RBSN: variants seen among roughly 807,000 people sequenced by gnomAD.
RBSN encodes the protein rabenosyn, RAB effector.
In RBSN, 34 loss-of-function variants were observed where a neutral mutation model predicts 60.5. The ratio of observed to expected loss-of-function variants is 0.56; its 90% CI spans 0.43 to 0.75. The LOEUF is 0.75. Ranked by LOEUF, RBSN falls within the 30% of genes least tolerant of loss-of-function variation. The pLI, the probability that RBSN is intolerant of heterozygous loss-of-function variation, is 0.00. For synonymous variants in RBSN, 322 were observed against 366.9 expected (o/e 0.88, Z 1.40); for missense variants, 845 against 986.8 (o/e 0.86, Z 1.92).
intron 5 of RBSN, among the ~76,000 whole-genome samples, chr3:15,089,480 A>AC (rs1553595708): frequency 4.0e-5 from 3 of 75,150 alleles, no homozygotes; most frequent in East Asian, 3.3e-4. Context: ...AAAAAAAACA[A>AC]AAAAAAAAAA....
At chr3:15,076,963 TA>T in intron 12 of RBSN, 98 bp downstream of exon 12, 1 of 925,464 alleles carries the variant, frequency 1.1e-6, no homozygotes, top group Non-Finnish European at 1.7e-6. Context: ...AATGTATAAA[TA>T]GGAAGTAAAC....
At position 15,074,926 on chromosome 3, in the gene RBSN, G is replaced by A. The variant is rs753952878; in HGVS notation, c.1211C>T (p.Ala404Val). The A allele has an allele frequency of 1.9e-6, 3 of 1,607,472 alleles. No individual in the cohort carries two copies. In the Admixed American group the frequency reaches 5.0e-5, roughly 27 times the overall value. ...CTCAAGCCTTCGCTGGGACTCCAGG[G>A]CAGCCTGGGGAGAGAGCAAAGCAGA... ...ERKRAVERQA[A>V]LESQRRLEER... Residue 404 changes from alanine (A) to valine (V), a missense_variant, in exon 14 of 14, where the codon GCC becomes GTC. Physicochemically the swap from Ala to Val is moderately conservative, Grantham distance 64. Coordinates refer to ENST00000253699, the MANE Select transcript of RBSN (RefSeq NM_022340.4). This position sits in a 1 kb window ranked among gnomAD's most constrained non-coding sequence, Gnocchi z 6.4.
At chr3:15,085,497 CGT>C (rs1009314158) in intron 6 of RBSN, among the ~76,000 whole-genome samples, 2 of 152,218 alleles carry the variant, frequency 1.3e-5, no homozygotes, top group African/African-American at 4.8e-5. Context: ...AAAATACACC[CGT>C]GAGACCTGGT....
chr3:15,085,665 C>A (rs1373328895), intron 6 of RBSN, among the ~76,000 whole-genome samples, 196 bp downstream of exon 6: 1 of 152,172 alleles, frequency 6.6e-6, no homozygotes, highest in Non-Finnish European at 1.5e-5. Flanking sequence ...AGTTTGTCAA[C>A]CTGGGCCATT....
chr3:15,075,517 A>T, intron 13 of RBSN, 89 bp downstream of exon 13: 1 of 1,026,614 alleles, frequency 9.7e-7, no homozygotes, highest in Non-Finnish European at 1.6e-6. Context: ...CTGATTCACT[A>T]CAACCGCACA....
At chr3:15,078,922 A>C (rs2043136434) in intron 10 of RBSN, among the ~76,000 whole-genome samples, 1 of 150,876 alleles carries the variant, frequency 6.6e-6, no homozygotes, top group Non-Finnish European at 1.5e-5. Context: ...CAGATAGGCA[A>C]CACAGGTTTA....
chr3:15,092,813 C>G (rs17040733), intron 4 of RBSN, among the ~76,000 whole-genome samples: 8,045 of 152,220 alleles, frequency 0.053, 255 homozygotes, highest in East Asian at 0.13. Context: ...TTCATTTTTG[C>G]AAACAAGACT....
chr3:15,073,810 A>T lies in RBSN; in HGVS notation c.2327T>A (p.Leu776Gln). Residue 776 changes from leucine to glutamine, a missense_variant, in exon 14 of 14, where the codon CTG becomes CAG. By Grantham distance (113) the Leu-to-Gln change is moderately radical (BLOSUM62 -2). Transcript: ENST00000253699. ...GTCAGTGCCCCCCTTCTGCTTGGCC[A>T]GGGTGTGCTTCAGCTCCCGCAGATT... Reference protein sequence around the residue: ...TENLRELKHTLAKQKGGTD With the variant: ...TENLRELKHTQAKQKGGTD 2 of 1,609,812 alleles carry T rather than the reference A, an allele frequency of 1.2e-6. No individual in the cohort carries two copies. Among genetic ancestry groups the T allele is most frequent in the Non-Finnish European group, 1.7e-6 (2 of 1,178,302 alleles).
chr3:15,075,801 C>T, intron 12 of RBSN, 91 bp from the exon 13 acceptor site: 1 of 997,590 alleles, frequency 1.0e-6, no homozygotes, highest in Non-Finnish European at 1.6e-6. Flanking sequence ...TTAAGCTGAG[C>T]CACTCTGTTC....
chr3:15,076,364 G>A (rs2043053636), intron 12 of RBSN, among the ~76,000 whole-genome samples: 4 of 152,098 alleles, frequency 2.6e-5, no homozygotes, highest in Admixed American at 2.6e-4. Flanking sequence ...ACTTTGGGAG[G>A]CCAAGGTGGG....
At chr3:15,086,070 T>C (rs186797482) in intron 5 of RBSN, 109 bp from the exon 6 acceptor site, 114 of 405,044 alleles carry the variant, frequency 2.8e-4, no homozygotes, top group East Asian at 1.9e-3. Context: ...TTGGTCAACA[T>C]AGCGAGACCC....
intron 12 of RBSN, among the ~76,000 whole-genome samples, 179 bp from the exon 13 acceptor site, chr3:15,075,889 C>A (rs1173919684): frequency 6.6e-6 from 1 of 152,006 alleles, no homozygotes; most frequent in East Asian, 1.9e-4. Flanking sequence ...CCAAATGGGC[C>A]TGCATTTTCC....
chr3:15,097,472 G>T (rs1038841042), intron 2 of RBSN, among the ~76,000 whole-genome samples: 4 of 152,300 alleles, frequency 2.6e-5, no homozygotes, highest in African/African-American at 9.6e-5. Flanking sequence ...CCGAGATCAT[G>T]CCATTGCACT....
At chr3:15,090,707 T>C (rs371715782) in intron 4 of RBSN, among the ~76,000 whole-genome samples, 168 bp from the exon 5 acceptor site, 13 of 152,334 alleles carry the variant, frequency 8.5e-5, no homozygotes, top group Admixed American at 2.6e-4. Flanking sequence ...ACAAACACTA[T>C]ATTACAAATA....
intron 12 of RBSN, among the ~76,000 whole-genome samples, chr3:15,076,069 A>G (rs2043046819): frequency 6.6e-6 from 1 of 152,010 alleles, no homozygotes; most frequent in Non-Finnish European, 1.5e-5. Context: ...GCTATCTTAC[A>G]TACTAGATAT....
Position 15,075,104 on chromosome 3 carries a change from C to A in RBSN, c.1207-174G>T, listed in dbSNP as rs1240367941. 9 of 750,772 alleles carry A rather than the reference C, an allele frequency of 1.2e-5. No homozygotes were observed. The East Asian group carries it at 2.2e-4, about 18-fold the overall frequency. The allele number at this position is 750,772 out of a possible 1,614,324, so 46.5% of individuals were successfully genotyped here. ...AGTCATGTTTTTGTGTATATGTGGGCGGAAGGGAGACCCTGATTTTCAAAA... is the reference window on the plus strand; with the variant it reads ...AGTCATGTTTTTGTGTATATGTGGGAGGAAGGGAGACCCTGATTTTCAAAA... On this transcript the variant is annotated intron_variant, in intron 13 of 13. Coordinates refer to ENST00000253699, the MANE Select transcript of RBSN (RefSeq NM_022340.4).
chr3:15,091,101 T>C (rs2043501222), intron 4 of RBSN, among the ~76,000 whole-genome samples: 1 of 147,660 alleles, frequency 6.8e-6, no homozygotes, highest in Non-Finnish European at 1.5e-5. Flanking sequence ...TCCCAGCTAC[T>C]TGGGAGGCTG....
At chr3:15,088,030 T>G (rs17040729) in intron 5 of RBSN, among the ~76,000 whole-genome samples, 13,195 of 152,294 alleles carry the variant, frequency 0.087, 815 homozygotes, top group African/African-American at 0.17. Flanking sequence ...TATTAACTGC[T>G]AAAATTTGCC....
rs764814136 is a variant in RBSN at position 15,085,007 on chromosome 3, C to A, written c.429G>T (p.Lys143Asn). Residue 143 changes from lysine to asparagine, a missense_variant, in exon 7 of 14, where the codon AAG becomes AAT. Lys to Asn is a moderately conservative substitution (Grantham distance 94). Coordinates refer to ENST00000253699, the MANE Select transcript of RBSN (RefSeq NM_022340.4). ...GCAAAGTTTTAAAGTTACCTCGAATCTTTGCAGACTCAGTATTTGTTCTGT... is the reference window on the plus strand; with the variant it reads ...GCAAAGTTTTAAAGTTACCTCGAATATTTGCAGACTCAGTATTTGTTCTGT... Reference protein sequence around the residue: ...AFDRTNTESAKIRAIEKSVVP... With the variant: ...AFDRTNTESANIRAIEKSVVP... The A allele has an allele frequency of 1.4e-5, 22 of 1,614,104 alleles. No homozygotes were observed. The highest frequency in any genetic ancestry group is 2.5e-6 in the Non-Finnish European group (3 of 1,180,052).
Sources: gnomAD v4.1 joint callset for allele counts (sites outside exome capture counted in the v4.1 genomes callset) on GRCh38, gnomAD v4.1.1 for gene constraint, Gnocchi (gnomAD v3.1) non-coding constraint, MANE v1.5 for transcripts, NCBI Gene and HGNC (gene_info 2026-07-23, HGNC 2026-07-21) for gene names.